The following PKD1L1 variants were observed in gnomAD, a reference collection of about 807,000 sequenced individuals.
The protein encoded by PKD1L1 is polycystin 1 like 1, transient receptor potential channel interacting, also known as polycystin-1-like protein 1.
PKD1L1 carries 236 observed loss-of-function variants against 323.4 expected under a neutral mutation model. The ratio of observed to expected loss-of-function variants is 0.73; its 90% CI spans 0.66 to 0.81. PKD1L1 has a LOEUF of 0.81. PKD1L1 is among the 40% of genes least tolerant of loss of function. The pLI, the probability that PKD1L1 is intolerant of heterozygous loss-of-function variation, is 0.00. For synonymous variants in PKD1L1, 1,344 were observed against 1,335.0 expected (o/e 1.01, Z -0.15); for missense variants, 3,320 against 3,508.0 (o/e 0.95, Z 1.35).
At chr7:47,859,040 G>C (rs537235542) in intron 26 of PKD1L1, among the ~76,000 whole-genome samples, 155 bp from the exon 27 acceptor site, 15 of 152,194 alleles carry the variant, frequency 9.9e-5, no homozygotes, top group Non-Finnish European at 1.6e-4. Flanking sequence ...ATATATTCTT[G>C]CCTTTTTCAT....
intron 18 of PKD1L1, among the ~76,000 whole-genome samples, chr7:47,885,394 T>G (rs79763222): frequency 0.046 from 6,971 of 152,214 alleles, 381 homozygotes; most frequent in African/African-American, 0.14. Context: ...GGAGAAGGAT[T>G]AGGAAGCCGG....
Position 47,874,746 on chromosome 7 carries a change from T to C in PKD1L1, c.3785-736A>G, listed in dbSNP as rs567176557. Among the ~76,000 whole-genome samples the C allele has an allele frequency of 5.9e-5, 9 of 152,244 alleles. No homozygotes were observed. The South Asian group carries it at 1.5e-3, about 25-fold the overall frequency. On this transcript the variant is annotated intron_variant, in intron 23 of 56. Coordinates refer to ENST00000289672, the MANE Select transcript of PKD1L1 (RefSeq NM_138295.5). Reference sequence around the variant, plus strand: ...CAAAGGAGCAGTTTTTAGGCAAGACTCCACTTATTTTGACAAGCTGAGTCT... The same window carrying C: ...CAAAGGAGCAGTTTTTAGGCAAGACCCCACTTATTTTGACAAGCTGAGTCT...
At chr7:47,836,010 A>C (rs1785449879) in intron 37 of PKD1L1, among the ~76,000 whole-genome samples, 1 of 152,222 alleles carries the variant, frequency 6.6e-6, no homozygotes, top group African/African-American at 2.4e-5. Context: ...GTGGTCCAAC[A>C]TCAGACAACA....
rs568954961 is a variant in PKD1L1 at position 47,840,072 on chromosome 7, G to C, written c.5552+389C>G. On this transcript the variant is annotated intron_variant, in intron 35 of 56. Transcript: ENST00000289672. This position sits in a 1 kb window ranked among gnomAD's most constrained non-coding sequence, Gnocchi z 4.1. Reference sequence around the variant, plus strand: ...TCAGTCCTTTCATATTTTCTAAGACGCCAGGTGCTTGCATCCTATCTTGTT... The same window carrying C: ...TCAGTCCTTTCATATTTTCTAAGACCCCAGGTGCTTGCATCCTATCTTGTT... Among the ~76,000 whole-genome samples, 15 of 152,170 alleles carry C rather than the reference G, an allele frequency of 9.9e-5. No individual in the cohort carries two copies. The highest frequency in any genetic ancestry group is 2.1e-4 in the Non-Finnish European group (14 of 68,020).
chr7:47,790,369 A>G (rs1275919360), intron 56 of PKD1L1, among the ~76,000 whole-genome samples: 4 of 149,482 alleles, frequency 2.7e-5, no homozygotes. Context: ...TCATTCTGTC[A>G]CCCAGGCTGG....
intron 26 of PKD1L1, among the ~76,000 whole-genome samples, chr7:47,861,071 C>T (rs377579570): frequency 2.0e-5 from 3 of 152,146 alleles, no homozygotes; most frequent in South Asian, 2.1e-4. Flanking sequence ...ACAAGATGGA[C>T]GGGGCCAGAG....
At chr7:47,808,712 G>A (rs113397211) in intron 51 of PKD1L1, among the ~76,000 whole-genome samples, 1 of 152,098 alleles carries the variant, frequency 6.6e-6, no homozygotes, top group Non-Finnish European at 1.5e-5. Context: ...TCTAAGCATC[G>A]AAAAGATACA....
intron 8 of PKD1L1, among the ~76,000 whole-genome samples, chr7:47,910,235 G>C (rs1049974771): frequency 6.6e-6 from 1 of 151,966 alleles, no homozygotes; most frequent in Non-Finnish European, 1.5e-5. Context: ...CCACAAGTTA[G>C]AAAAGGCAGT....
chr7:47,808,404 A>G lies in PKD1L1; in HGVS notation c.7687-17T>C, dbSNP rs1272317420. The stretch of plus-strand genomic sequence containing the variant: ...CACGGAGAGCTGGAACATCCAAGAG[A>G]AAGGCCCTCAGATGGCTCCTGAGGA... On this transcript the variant is annotated splice_polypyrimidine_tract_variant and intron_variant, in intron 51 of 56. Coordinates refer to ENST00000289672, the MANE Select transcript of PKD1L1 (RefSeq NM_138295.5). The G allele has an allele frequency of 1.2e-6, 2 of 1,613,470 alleles. No individual in the cohort carries two copies. The highest frequency in any genetic ancestry group is 1.3e-5 in the African/African-American group (1 of 75,008).
At chr7:47,787,209 A>G (rs62448550) in intron 56 of PKD1L1, among the ~76,000 whole-genome samples, 10,844 of 152,200 alleles carry the variant, frequency 0.071, 533 homozygotes, top group East Asian at 0.2. Flanking sequence ...GTTCTTTCCC[A>G]GGGAGGCCAG....
At chr7:47,829,820 G>A (rs1327112594) in intron 43 of PKD1L1, among the ~76,000 whole-genome samples, 4 of 152,290 alleles carry the variant, frequency 2.6e-5, no homozygotes, top group Admixed American at 1.3e-4. Flanking sequence ...AATAAAAAAC[G>A]TGGGTTAAAG....
At position 47,858,818 on chromosome 7, in the gene PKD1L1, G is replaced by C. The variant is rs752294241; in HGVS notation, c.4217C>G (p.Ser1406Trp). Residue 1406 changes from serine to tryptophan, a missense_variant, in exon 27 of 57, where the codon TCG becomes TGG. Physicochemically the swap from Ser to Trp is radical, Grantham distance 177. Coordinates refer to ENST00000289672, the MANE Select transcript of PKD1L1 (RefSeq NM_138295.5). ...TCCTTTGTCAATCACAAATGGCCCCGAGAACTGGCCTTGAGCAAGGAGTGC... is the reference window on the plus strand; with the variant it reads ...TCCTTTGTCAATCACAAATGGCCCCCAGAACTGGCCTTGAGCAAGGAGTGC... Reference protein sequence around the residue: ...TRALLAQGQFSGPFVIDKGVR... With the variant: ...TRALLAQGQFWGPFVIDKGVR... 1.9e-6 allele frequency: 3 copies of C among 1,614,140 alleles called. No homozygotes were observed. The highest frequency in any genetic ancestry group is 2.5e-6 in the Non-Finnish European group (3 of 1,180,036).
intron 56 of PKD1L1, among the ~76,000 whole-genome samples, chr7:47,780,785 G>A (rs931225608): frequency 6.6e-6 from 1 of 152,158 alleles, no homozygotes; most frequent in Non-Finnish European, 1.5e-5. Context: ...TCCATGATAT[G>A]AAGGGACCAC....
chr7:47,959,940 G>A, the PKD1L1 span, among the ~76,000 whole-genome samples: 321 of 152,086 alleles, frequency 2.1e-3, 1 homozygote, highest in African/African-American at 7.2e-3. Flanking sequence ...GGGGAAAGGC[G>A]GGGAAAGGAT....
intron 54 of PKD1L1, among the ~76,000 whole-genome samples, chr7:47,798,481 C>A (rs987427830): frequency 6.6e-6 from 1 of 152,106 alleles, no homozygotes; most frequent in South Asian, 2.1e-4. Flanking sequence ...AGAAAGGCCA[C>A]GTGCAGTGGC....
rs373145488 is a variant in PKD1L1, at chr7:47,876,092, C to T, written c.3784+5G>A. ...CTAGTGACTCCAACTGGCACCATAGCTTACCTTTGTAATTGTCCAAGTGCT... is the reference window on the plus strand; with the variant it reads ...CTAGTGACTCCAACTGGCACCATAGTTTACCTTTGTAATTGTCCAAGTGCT... On this transcript the variant is annotated splice_donor_5th_base_variant and intron_variant, in intron 23 of 56. Coordinates refer to ENST00000289672, the MANE Select transcript of PKD1L1 (RefSeq NM_138295.5). 11 of 1,613,788 alleles carry T rather than the reference C, an allele frequency of 6.8e-6. No individual in the cohort carries two copies. The highest frequency in any genetic ancestry group is 1.6e-4 in the Middle Eastern group (1 of 6,082).
At chr7:47,808,417 T>G (rs1190802550) in intron 51 of PKD1L1, 30 bp from the exon 52 acceptor site, 1 of 1,612,878 alleles carries the variant, frequency 6.2e-7, no homozygotes, top group Admixed American at 1.7e-5. Flanking sequence ...GGCCCTCAGA[T>G]GGCTCCTGAG....
rs762709800 is a variant in PKD1L1, at chr7:47,855,167, C to T, written c.4689G>A (p.Glu1563=). Residue 1563 remains glutamate, a synonymous_variant, in exon 29 of 57, where the codon GAG becomes GAA. Coordinates refer to ENST00000289672, the MANE Select transcript of PKD1L1 (RefSeq NM_138295.5). ...LRKPVMVEFG[E]EDGLDNRRNK... The stretch of plus-strand genomic sequence containing the variant: ...AGGCTCTCCTTACCAGGCCATCCTC[C>T]TCCCCAAACTCGACCATCACGGGTT... The T allele has an allele frequency of 1.2e-6, 2 of 1,614,100 alleles. No individual in the cohort carries two copies. The highest frequency in any genetic ancestry group is 2.2e-5 in the South Asian group (2 of 91,074).
At chr7:47,783,619 A>G (rs1029923072) in intron 56 of PKD1L1, among the ~76,000 whole-genome samples, 1 of 152,134 alleles carries the variant, frequency 6.6e-6, no homozygotes, top group Admixed American at 6.5e-5. Flanking sequence ...AAAAGAGAAA[A>G]TTTGGACACC....
Sources: gnomAD v4.1 joint callset for allele counts (sites outside exome capture counted in the v4.1 genomes callset) on GRCh38, gnomAD v4.1.1 for gene constraint, Gnocchi (gnomAD v3.1) non-coding constraint, MANE v1.5 for transcripts, NCBI Gene and HGNC (gene_info 2026-07-23, HGNC 2026-07-21) for gene names.